Variants in PPP1R9A observed in about 807,000 individuals in gnomAD.
PPP1R9A encodes the protein neurabin-1.
A neutral mutation model predicts 141.9 loss-of-function variants in PPP1R9A; 59 were observed. The observed-to-expected ratio is 0.42, with a 90% CI of 0.34 to 0.52. The LOEUF is 0.52. Among genes scored for constraint, PPP1R9A ranks in the 20% least tolerant of loss-of-function variants. PPP1R9A has a pLI of 0.10. For synonymous variants in PPP1R9A, 500 were observed against 569.7 expected, an observed-to-expected ratio of 0.88 and a Z score of 1.74; for missense variants, 1,444 against 1,611.9, an observed-to-expected ratio of 0.90 and a Z score of 1.78.
chr7:95,197,555 A>G (rs1162986366), intron 5 of PPP1R9A, among the ~76,000 whole-genome samples: 1 of 151,954 alleles, frequency 6.6e-6, no homozygotes, highest in Non-Finnish European at 1.5e-5. Flanking sequence ...ACAGTTTTTC[A>G]TTTTAAAAAC....
At chr7:95,069,526 C>G (rs774717674) in intron 2 of PPP1R9A, among the ~76,000 whole-genome samples, 1 of 151,920 alleles carries the variant, frequency 6.6e-6, no homozygotes, top group Non-Finnish European at 1.5e-5. Flanking sequence ...AGACACTCCA[C>G]GGGTACCCCA....
At chr7:95,233,293 C>T (rs1343387501) in intron 8 of PPP1R9A, among the ~76,000 whole-genome samples, 1 of 151,930 alleles carries the variant, frequency 6.6e-6, no homozygotes, top group African/African-American at 2.4e-5. Flanking sequence ...ACCACATGTT[C>T]TCACTCATAA....
intron 2 of PPP1R9A, among the ~76,000 whole-genome samples, chr7:95,069,997 C>T (rs922163980): frequency 2.0e-5 from 3 of 152,052 alleles, no homozygotes; most frequent in South Asian, 2.1e-4. Context: ...ATAAAATTCC[C>T]TTCTATTTCT....
chr7:95,121,225 G>C (rs1822505663), intron 4 of PPP1R9A, among the ~76,000 whole-genome samples: 1 of 152,176 alleles, frequency 6.6e-6, no homozygotes, highest in Non-Finnish European at 1.5e-5. Flanking sequence ...TAGATGGTAA[G>C]TTAGGAACTC....
chr7:95,101,074 G>C (rs550567781), intron 2 of PPP1R9A, among the ~76,000 whole-genome samples: 2 of 151,510 alleles, frequency 1.3e-5, no homozygotes, highest in African/African-American at 4.8e-5. Context: ...GGATGGTCTC[G>C]ATCTCCTGAC....
intron 8 of PPP1R9A, among the ~76,000 whole-genome samples, chr7:95,228,913 A>G (rs1308687561): frequency 1.3e-5 from 2 of 152,192 alleles, no homozygotes; most frequent in Admixed American, 6.5e-5. Flanking sequence ...GCTATAAGTA[A>G]CAGGACATAT....
chr7:95,149,339 G>A lies in PPP1R9A; in HGVS notation c.1650-12528G>A, dbSNP rs547462649. ...ACTTTCCTGCTAAGATTAGGAACTA[G>A]ACAATGATATCCTTTCTTACAGTTA... On this transcript the variant is annotated intron_variant, in intron 4 of 19. Coordinates refer to ENST00000433360, the MANE Select transcript of PPP1R9A (RefSeq NM_001166160.2). 1.4e-4 allele frequency among the ~76,000 whole-genome samples: 22 copies of A among 152,132 alleles called. No homozygotes were observed. In the South Asian group the frequency reaches 2.1e-3, roughly 14 times the overall value.
At chr7:94,946,289 G>GA (rs201400313) in intron 2 of PPP1R9A, among the ~76,000 whole-genome samples, 1,864 of 152,154 alleles carry the variant, frequency 0.012, 18 homozygotes, top group Non-Finnish European at 0.018. Flanking sequence ...TGCCATGCCT[G>GA]GAGAGTTTGT....
At chr7:95,019,516 C>A (rs990700669) in intron 2 of PPP1R9A, among the ~76,000 whole-genome samples, 8 of 152,122 alleles carry the variant, frequency 5.3e-5, no homozygotes, top group African/African-American at 1.9e-4. Context: ...AGACAAAGGA[C>A]TTGTGTCCAG....
At chr7:95,181,752 ATATATATAGAATATATATATATT>A (rs1833881978) in intron 5 of PPP1R9A, among the ~76,000 whole-genome samples, 1 of 137,288 alleles carries the variant, frequency 7.3e-6, no homozygotes, top group Non-Finnish European at 1.5e-5. Flanking sequence ...ATTCCGTCAC[ATATATATAGAATATATATATATT>A]CCGTCACATA....
intron 2 of PPP1R9A, among the ~76,000 whole-genome samples, chr7:95,096,048 T>C (rs1817971571): frequency 6.6e-6 from 1 of 152,170 alleles, no homozygotes; most frequent in South Asian, 2.1e-4. Flanking sequence ...TTGAAGCAGT[T>C]TGAGATTGTA....
chr7:94,990,431 CT>C (rs1299047334), intron 2 of PPP1R9A, among the ~76,000 whole-genome samples: 1 of 151,600 alleles, frequency 6.6e-6, no homozygotes, highest in Non-Finnish European at 1.5e-5. Context: ...TCTCATTTTT[CT>C]TTTTTTTAAC....
intron 5 of PPP1R9A, among the ~76,000 whole-genome samples, chr7:95,176,182 CTG>C (rs1400372541): frequency 2.6e-5 from 4 of 152,120 alleles, no homozygotes; most frequent in African/African-American, 7.2e-5. Context: ...TCACAGGACT[CTG>C]TGCACACAAC....
At chr7:94,942,727 C>G (rs1196471118) in intron 2 of PPP1R9A, among the ~76,000 whole-genome samples, 1 of 151,896 alleles carries the variant, frequency 6.6e-6, no homozygotes, top group African/African-American at 2.4e-5. Context: ...TCACTTGAAC[C>G]TGGGAGGCAG....
At chr7:95,036,203 G>A (rs1808403592) in intron 2 of PPP1R9A, 1 of 152,092 alleles carries the variant, frequency 6.6e-6, no homozygotes, top group Non-Finnish European at 1.5e-5. Context: ...TAAGAGAATT[G>A]TAAATAGGAC....
intron 16 of PPP1R9A, among the ~76,000 whole-genome samples, chr7:95,283,690 G>T (rs905644034): frequency 1.3e-5 from 2 of 152,218 alleles, no homozygotes; most frequent in African/African-American, 4.8e-5. Context: ...TAAAGGGAAT[G>T]CAGTGATGAT....
intron 4 of PPP1R9A, among the ~76,000 whole-genome samples, chr7:95,122,603 A>G (rs180864603): frequency 6.6e-6 from 1 of 152,238 alleles, no homozygotes; most frequent in South Asian, 2.1e-4. Flanking sequence ...GTTTGTATTC[A>G]TATAGCACTT....
chr7:95,127,745 CACTT>C (rs903949565), intron 4 of PPP1R9A, among the ~76,000 whole-genome samples: 1 of 152,106 alleles, frequency 6.6e-6, no homozygotes, highest in African/African-American at 2.4e-5. Context: ...ATTTAGCTCC[CACTT>C]ATAAGTGAGA....
intron 2 of PPP1R9A, among the ~76,000 whole-genome samples, chr7:94,955,806 A>G (rs1797016107): frequency 6.6e-6 from 1 of 152,142 alleles, no homozygotes; most frequent in African/African-American, 2.4e-5. Flanking sequence ...TTTCTGTGTC[A>G]GTCTTGATAG....
Sources: allele counts gnomAD v4.1 joint callset (sites outside exome capture counted in the v4.1 genomes callset), GRCh38; gene constraint gnomAD v4.1.1; transcripts MANE v1.5; gene names NCBI Gene and HGNC (gene_info 2026-07-23, HGNC 2026-07-21).